The following TRIP12 variants were observed in gnomAD, a reference collection of about 807,000 sequenced individuals.
The protein encoded by TRIP12 is E3 ubiquitin-protein ligase TRIP12.
A neutral mutation model predicts 244.2 loss-of-function variants in TRIP12; 25 were observed. The observed-to-expected ratio is 0.10, with a 90% CI of 0.07 to 0.14. The LOEUF (loss-of-function observed/expected upper bound fraction) is 0.14. TRIP12 is among the 10% of genes least tolerant of loss of function. The pLI, the probability that TRIP12 is intolerant of heterozygous loss-of-function variation, is 1.00. For synonymous variants in TRIP12, 905 were observed against 873.1 expected, an observed-to-expected ratio of 1.04 and a Z score of -0.64; for missense variants, 1,677 against 2,486.4, an observed-to-expected ratio of 0.67 and a Z score of 6.92.
At position 229,778,833 on chromosome 2, in the gene TRIP12, G is replaced by C; in HGVS notation, c.5209+43C>G. ...AATAAACTGTCAGAGTCCATTACCT[G>C]ATCTGAGTAACACAAACCAACTAAC... On this transcript the variant is annotated intron_variant, in intron 35 of 41. Coordinates refer to ENST00000675903, the MANE Select transcript of TRIP12 (RefSeq NM_001348323.3). This position sits in a 1 kb window ranked among gnomAD's most constrained non-coding sequence, Gnocchi z 4.1. 1 of 1,552,528 alleles carries C rather than the reference G, an allele frequency of 6.4e-7. No homozygotes were observed. The highest frequency in any genetic ancestry group is 8.9e-7 in the Non-Finnish European group (1 of 1,124,824).
At chr2:229,811,253 C>A in intron 13 of TRIP12, 49 bp from the exon 14 acceptor site, 2 of 1,552,512 alleles carry the variant, frequency 1.3e-6, no homozygotes, top group African/African-American at 1.4e-5. Context: ...AAAGCATTTT[C>A]ACTGTCATGT....
rs2060109423 is a variant in TRIP12, at chr2:229,859,309, G to A, written c.490C>T (p.Leu164=). 3.1e-6 allele frequency: 5 copies of A among 1,614,084 alleles called. No homozygotes were observed. The highest frequency in any genetic ancestry group is 4.2e-6 in the Non-Finnish European group (5 of 1,180,052). Residue 164 remains leucine, a synonymous_variant, in exon 4 of 42, where the codon CTG becomes TTG. Transcript: ENST00000675903. ...KKRHLDQEQQ[L]KSAQSPSTSK... ...GTTGATGGTGATTGTGCAGATTTCA[G>A]TTGTTGCTCCTGGTCTAAATGTCTC...
At chr2:229,769,407 T>A (rs2033269769) in intron 39 of TRIP12, 82 bp from the exon 40 acceptor site, 1 of 1,242,186 alleles carries the variant, frequency 8.1e-7, no homozygotes. Flanking sequence ...ACGTGTACCA[T>A]AAAAGAGTAT....
At chr2:229,776,137 C>T (rs1241681806) in intron 37 of TRIP12, among the ~76,000 whole-genome samples, 1 of 152,108 alleles carries the variant, frequency 6.6e-6, no homozygotes, top group African/African-American at 2.4e-5. Flanking sequence ...AATCTGTCTG[C>T]CCTGGTTTGC....
At chr2:229,850,599 T>C (rs2058472848) in intron 4 of TRIP12, among the ~76,000 whole-genome samples, 1 of 152,234 alleles carries the variant, frequency 6.6e-6, no homozygotes, top group African/African-American at 2.4e-5. Flanking sequence ...CTCCTCTGCC[T>C]GGCCTCCAAC....
At chr2:229,808,219 G>T in intron 16 of TRIP12, 33 bp downstream of exon 16, 1 of 1,504,532 alleles carries the variant, frequency 6.6e-7, no homozygotes, top group Non-Finnish European at 9.2e-7. Flanking sequence ...ACCCGCCTTG[G>T]CCTCCCAAAG....
intron 6 of TRIP12, among the ~76,000 whole-genome samples, chr2:229,832,229 C>T (rs957671252): frequency 2.0e-5 from 3 of 152,196 alleles, no homozygotes; most frequent in African/African-American, 7.2e-5. Context: ...AAGGCCAAAT[C>T]CAGTCCACCA....
chr2:229,842,355 C>T lies in TRIP12; in HGVS notation c.1028-1428G>A, dbSNP rs2056626425. 1.3e-5 allele frequency among the ~76,000 whole-genome samples: 2 copies of T among 152,156 alleles called. 1 individual carries two copies. Among genetic ancestry groups the T allele is most frequent in the South Asian group, 4.1e-4 (2 of 4,830 alleles). On this transcript the variant is annotated intron_variant, in intron 4 of 41. Transcript: ENST00000675903. Reference sequence around the variant, plus strand: ...GCACACAATCTGGTCACCTAAGAGACAGGGCATGGCAATAGATCTAGGGAG... The same window carrying T: ...GCACACAATCTGGTCACCTAAGAGATAGGGCATGGCAATAGATCTAGGGAG...
rs114922429 is a variant in TRIP12 at position 229,881,647 on chromosome 2, T to C, written c.-49-1519A>G. ...AAAGTTCAAATTACTAATTTAAGGA[T>C]AGTCAGTTTTAGAAAGAAAAAAATA... On this transcript the variant is annotated intron_variant, in intron 1 of 41. Transcript: ENST00000675903. Among the ~76,000 whole-genome samples, 1,382 of 152,236 alleles carry C rather than the reference T, an allele frequency of 9.1e-3. 14 individuals carry two copies. Among genetic ancestry groups the C allele is most frequent in the African/African-American group, 0.032 (1,316 of 41,546 alleles).
At chr2:229,818,992 G>A (rs1008593773) in intron 8 of TRIP12, among the ~76,000 whole-genome samples, 1 of 140,642 alleles carries the variant, frequency 7.1e-6, no homozygotes, top group South Asian at 2.3e-4. Context: ...ACACAACAAC[G>A]TATCTAACAA....
At chr2:229,830,349 A>G (rs781714090) in intron 7 of TRIP12, among the ~76,000 whole-genome samples, 2 of 152,232 alleles carry the variant, frequency 1.3e-5, no homozygotes, top group African/African-American at 2.4e-5. Context: ...GGATATAAAT[A>G]ACTCCCACAT....
chr2:229,813,813 A>G, intron 13 of TRIP12, 57 bp downstream of exon 13: 2 of 1,228,914 alleles, frequency 1.6e-6, no homozygotes, highest in Non-Finnish European at 2.1e-6. Flanking sequence ...AAAATATAAA[A>G]TTAAAAAAAT....
At chr2:229,843,051 T>G (rs765570107) in intron 4 of TRIP12, among the ~76,000 whole-genome samples, 4 of 149,028 alleles carry the variant, frequency 2.7e-5, no homozygotes, top group Non-Finnish European at 5.9e-5. Context: ...ATTCTCTCTT[T>G]CTCTCTCTCT....
intron 38 of TRIP12, among the ~76,000 whole-genome samples, chr2:229,773,079 G>A (rs1361595756): frequency 2.8e-5 from 4 of 140,828 alleles, no homozygotes. Flanking sequence ...ATATATACAT[G>A]CTTTTTTTTT....
At chr2:229,862,128 C>T (rs1418574928) in intron 2 of TRIP12, among the ~76,000 whole-genome samples, 1 of 152,156 alleles carries the variant, frequency 6.6e-6, no homozygotes, top group African/African-American at 2.4e-5. Flanking sequence ...ACTATCTCGG[C>T]TCACTGCAAC....
Position 229,836,934 on chromosome 2 carries a change from T to C in TRIP12, c.1184A>G (p.Gln395Arg), listed in dbSNP as rs1389719403. 1.3e-6 allele frequency: 2 copies of C among 1,599,924 alleles called. No homozygotes were observed. The highest frequency in any genetic ancestry group is 1.4e-5 in the African/African-American group (1 of 73,858). Reference sequence around the variant, plus strand: ...GCTTTCAGGGTCTGCCATTTTCTCCTGTCGACGAGCTTCAGCTGCTCCTCT... The same window carrying C: ...GCTTTCAGGGTCTGCCATTTTCTCCCGTCGACGAGCTTCAGCTGCTCCTCT... ...GKRGAAEARR[Q>R]EKMADPESNQ... The change falls in exon 6 of 42, where the codon CAG becomes CGG. Residue 395 changes from glutamine to arginine, a missense_variant. Coordinates refer to ENST00000675903, the MANE Select transcript of TRIP12 (RefSeq NM_001348323.3).
intron 1 of TRIP12, chr2:229,900,935 T>A (rs1335287263): frequency 1.3e-5 from 2 of 150,758 alleles, no homozygotes; most frequent in Non-Finnish European, 3.0e-5. Context: ...TCAATAAAGC[T>A]ATTTTTTTTT....
At chr2:229,771,983 A>C (rs773319519) in intron 38 of TRIP12, among the ~76,000 whole-genome samples, 1 of 152,268 alleles carries the variant, frequency 6.6e-6, no homozygotes, top group African/African-American at 2.4e-5. Flanking sequence ...TTGAGAATTA[A>C]AGGTAATGTT....
At chr2:229,823,812 T>C (rs2050765614) in intron 8 of TRIP12, among the ~76,000 whole-genome samples, 1 of 152,118 alleles carries the variant, frequency 6.6e-6, no homozygotes, top group African/African-American at 2.4e-5. Context: ...CATGGCGAGA[T>C]GGCATCTCAT....
Sources: gnomAD v4.1 joint callset for allele counts (sites outside exome capture counted in the v4.1 genomes callset) on GRCh38, gnomAD v4.1.1 for gene constraint, Gnocchi (gnomAD v3.1) non-coding constraint, MANE v1.5 for transcripts, NCBI Gene and HGNC (gene_info 2026-07-23, HGNC 2026-07-21) for gene names.